FHIP1A: variants seen among roughly 807,000 people sequenced by gnomAD.
FHIP1A encodes FHF complex subunit HOOK interacting protein 1A, also known as FHF complex subunit HOOK-interacting protein 1A.
Under a neutral mutation model 88.6 loss-of-function variants are expected in FHIP1A, and 61 were observed. The ratio of observed to expected loss-of-function variants is 0.69; its 90% confidence interval spans 0.56 to 0.85. The LOEUF is 0.85. FHIP1A is among the 40% of genes least tolerant of loss of function. The pLI is 0.00. For synonymous variants in FHIP1A, 478 were observed against 496.0 expected, an observed-to-expected ratio of 0.96 and a Z score of 0.48; for missense variants, 1,154 against 1,273.5, an observed-to-expected ratio of 0.91 and a Z score of 1.43.
intron 2 of FHIP1A, among the ~76,000 whole-genome samples, chr4:151,461,779 G>A (rs115264416): frequency 0.017 from 2,553 of 152,276 alleles, 37 homozygotes; most frequent in Non-Finnish European, 0.023. Flanking sequence ...TAGCCTAATC[G>A]AGTCAGATCA....
At chr4:151,557,071 A>G (rs961706676) in intron 3 of FHIP1A, among the ~76,000 whole-genome samples, 6 of 152,152 alleles carry the variant, frequency 3.9e-5, no homozygotes, top group African/African-American at 1.4e-4. Flanking sequence ...ATTTCACTCT[A>G]ATAGTATTGG....
At chr4:151,604,924 TATC>T (rs1222276701) in intron 7 of FHIP1A, among the ~76,000 whole-genome samples, 2 of 152,080 alleles carry the variant, frequency 1.3e-5, no homozygotes, top group African/African-American at 2.4e-5. Flanking sequence ...TAAGAACAAG[TATC>T]ATACAAAAAT....
chr4:151,539,562 TAAAAAAAAAAAAAAA>T (rs1215200409), intron 3 of FHIP1A, among the ~76,000 whole-genome samples: 10 of 102,556 alleles, frequency 9.8e-5, no homozygotes, highest in Admixed American at 4.4e-4. Context: ...AGACTCTGTC[TAAAAAAAAAAAAAAA>T]AAAAAAAAAT....
intron 3 of FHIP1A, among the ~76,000 whole-genome samples, chr4:151,527,252 G>A (rs897410824): frequency 6.6e-6 from 1 of 152,214 alleles, no homozygotes; most frequent in Non-Finnish European, 1.5e-5. Flanking sequence ...CTGAGTGAAC[G>A]AGACTCCGTC....
intron 3 of FHIP1A, among the ~76,000 whole-genome samples, chr4:151,545,409 G>C (rs560661634): frequency 1.8e-5 from 2 of 109,524 alleles, no homozygotes; most frequent in African/African-American, 7.6e-5. Flanking sequence ...ACAGAGTCTC[G>C]CTCTATCTCC....
chr4:151,433,911 A>G (rs750331345), intron 1 of FHIP1A, among the ~76,000 whole-genome samples: 4 of 152,134 alleles, frequency 2.6e-5, no homozygotes, highest in South Asian at 2.1e-4. Flanking sequence ...AAACAGCTCT[A>G]TGCCCTTTTT....
chr4:151,492,591 C>CA (rs59887435), intron 3 of FHIP1A, among the ~76,000 whole-genome samples: 18,442 of 93,980 alleles, frequency 0.2, 1,467 homozygotes, highest in African/African-American at 0.28. Flanking sequence ...GGCTGTGTCT[C>CA]AAAAAAAAAA....
chr4:151,464,056 AC>A lies in FHIP1A; in HGVS notation c.-248+9251del, dbSNP rs1405077410. 2.6e-5 allele frequency among the ~76,000 whole-genome samples: 4 copies of A among 151,636 alleles called. No individual in the cohort carries two copies. The East Asian group carries it at 7.8e-4, about 29-fold the overall frequency. ...TTTATTGTTTATTTACTTATTTTTT[AC>A]CCTTTTTTCAAGAAATGGGGTCTCA... On this transcript the variant is annotated intron_variant, in intron 2 of 13. Transcript: ENST00000435205.
At chr4:151,442,906 A>G (rs1348817047) in intron 1 of FHIP1A, among the ~76,000 whole-genome samples, 1 of 152,128 alleles carries the variant, frequency 6.6e-6, no homozygotes, top group Non-Finnish European at 1.5e-5. Flanking sequence ...AAATATTTAA[A>G]AAGTTTTTTA....
chr4:151,549,489 T>TAA (rs57072592), intron 3 of FHIP1A, among the ~76,000 whole-genome samples: 9 of 112,696 alleles, frequency 8.0e-5, no homozygotes, highest in Admixed American at 3.8e-4. Flanking sequence ...AGACTCTGTC[T>TAA]AAAAAAAAAA....
At chr4:151,587,501 C>CT (rs34464145) in intron 6 of FHIP1A, among the ~76,000 whole-genome samples, 38,454 of 149,048 alleles carry the variant, frequency 0.26, 5,562 homozygotes, top group Non-Finnish European at 0.33. Context: ...AGTTTTCTTT[C>CT]TTTTTTTTTC....
chr4:151,553,896 G>GT (rs1732843409), intron 3 of FHIP1A, among the ~76,000 whole-genome samples: 1 of 152,154 alleles, frequency 6.6e-6, no homozygotes, highest in African/African-American at 2.4e-5. Flanking sequence ...ATCACATCAT[G>GT]TTTTTATCAG....
intron 3 of FHIP1A, among the ~76,000 whole-genome samples, chr4:151,544,196 G>A (rs1240176629): frequency 6.6e-6 from 1 of 152,202 alleles, no homozygotes; most frequent in Non-Finnish European, 1.5e-5. Context: ...GATAAAGTGA[G>A]ACACAGAGTA....
Position 151,566,380 on chromosome 4 carries a change from C to T in FHIP1A, c.105+16C>T, listed in dbSNP as rs1459392057. On this transcript the variant is annotated intron_variant, in intron 4 of 13. Transcript: ENST00000435205. ...CTGGGCACAGGTAATGTATGAATTC[C>T]ACTTTTTTTGCTGGTCTCAGTAACC... 6 of 1,498,308 alleles carry T rather than the reference C, an allele frequency of 4.0e-6. No individual in the cohort carries two copies. Among genetic ancestry groups the T allele is most frequent in the South Asian group, 1.2e-5 (1 of 82,870 alleles). The allele number at this position is 1,498,308 out of a possible 1,614,324, so 92.8% of individuals were successfully genotyped here. A position where few individuals can be genotyped will look rare whatever the true frequency, so the allele number is the denominator to read the frequency against.
At chr4:151,647,530 G>A (rs1736845631) in intron 10 of FHIP1A, among the ~76,000 whole-genome samples, 1 of 152,112 alleles carries the variant, frequency 6.6e-6, no homozygotes. Context: ...AATTTTCTTA[G>A]GTAAAGTGTA....
chr4:151,662,377 T>C (rs1278061710), intron 13 of FHIP1A, 124 bp from the exon 14 acceptor site: 1 of 1,043,272 alleles, frequency 9.6e-7, no homozygotes, highest in African/African-American at 1.6e-5. Context: ...TTTAGTCCGT[T>C]ATAGGAACTG....
chr4:151,547,535 C>T (rs1246752772), intron 3 of FHIP1A, among the ~76,000 whole-genome samples: 1 of 152,182 alleles, frequency 6.6e-6, no homozygotes, highest in Non-Finnish European at 1.5e-5. Flanking sequence ...ACCACTCCTC[C>T]CCAAAGCTCT....
intron 3 of FHIP1A, among the ~76,000 whole-genome samples, chr4:151,527,836 G>A (rs1418577719): frequency 6.6e-6 from 1 of 152,114 alleles, no homozygotes; most frequent in Non-Finnish European, 1.5e-5. Context: ...AGGTTTACTA[G>A]CTTCAAAGAT....
rs187530551 is a variant in FHIP1A, at chr4:151,416,885, G to A, written c.-356+7420G>A. Among the ~76,000 whole-genome samples the A allele has an allele frequency of 3.0e-4, 45 of 152,202 alleles. 1 individual carries two copies. The East Asian group carries it at 8.7e-3, about 29-fold the overall frequency. On this transcript the variant is annotated intron_variant, in intron 1 of 13. Coordinates refer to ENST00000435205, the MANE Select transcript of FHIP1A (RefSeq NM_001109977.3). Reference sequence around the variant, plus strand: ...TGCAGCCTCAGCTTCCTAGGCTCAAGCGAATCTCCCACCTCAGTCTCCTGA... The same window carrying A: ...TGCAGCCTCAGCTTCCTAGGCTCAAACGAATCTCCCACCTCAGTCTCCTGA...
Sources: allele counts gnomAD v4.1 joint callset (sites outside exome capture counted in the v4.1 genomes callset), GRCh38; gene constraint gnomAD v4.1.1; transcripts MANE v1.5; gene names NCBI Gene and HGNC (gene_info 2026-07-23, HGNC 2026-07-21).